Variants in KCNK2 observed in about 807,000 individuals in gnomAD.
The protein encoded by KCNK2 is potassium two pore domain channel subfamily K member 2, also known as potassium channel subfamily K member 2.
KCNK2 carries 21 observed loss-of-function variants against 40.5 expected under a neutral mutation model. The observed-to-expected ratio is 0.52, with a 90% confidence interval of 0.37 to 0.75. The LOEUF (loss-of-function observed/expected upper bound fraction) is 0.75. Ranked by LOEUF, KCNK2 falls within the 30% of genes least tolerant of loss-of-function variation. The pLI, the probability that KCNK2 is intolerant of heterozygous loss-of-function variation, is 0.00. For synonymous variants in KCNK2, 191 were observed against 202.2 expected, an observed-to-expected ratio of 0.94 and a Z score of 0.47; for missense variants, 399 against 531.6, an observed-to-expected ratio of 0.75 and a Z score of 2.45.
At chr1:215,132,994 G>A (rs978553459) in intron 3 of KCNK2, among the ~76,000 whole-genome samples, 8 of 152,172 alleles carry the variant, frequency 5.3e-5, no homozygotes, top group African/African-American at 1.9e-4. Context: ...GAACATTAGG[G>A]ATATAATCTT....
chr1:215,083,487 G>T, intron 1 of KCNK2, 56 bp downstream of exon 1: 2 of 1,327,512 alleles, frequency 1.5e-6, no homozygotes, highest in South Asian at 1.2e-5. Flanking sequence ...TCCTGCCCCA[G>T]CCTTTTCTGG....
At chr1:215,158,159 A>G (rs992193811) in intron 3 of KCNK2, among the ~76,000 whole-genome samples, 1 of 152,164 alleles carries the variant, frequency 6.6e-6, no homozygotes, top group African/African-American at 2.4e-5. Context: ...GAAGGGTTCT[A>G]TCAGGATCCC....
chr1:215,062,895 C>T (rs777487272), intron 1 of KCNK2, among the ~76,000 whole-genome samples: 2 of 151,950 alleles, frequency 1.3e-5, no homozygotes, highest in African/African-American at 2.4e-5. Context: ...GATAGAGACC[C>T]TGATTTTATA....
chr1:215,065,054 T>C (rs1658490011), intron 1 of KCNK2, among the ~76,000 whole-genome samples: 1 of 152,344 alleles, frequency 6.6e-6, no homozygotes, highest in African/African-American at 2.4e-5. Context: ...ATAGTGTTTA[T>C]TTAAAGTAGT....
chr1:215,231,019 A>G (rs1666639384), intron 6 of KCNK2, among the ~76,000 whole-genome samples: 1 of 152,196 alleles, frequency 6.6e-6, no homozygotes, highest in Non-Finnish European at 1.5e-5. Context: ...AACTGGTAGA[A>G]GCACTCGGCT....
At chr1:215,007,617 T>A (rs963555399) in intron 1 of KCNK2, among the ~76,000 whole-genome samples, 3 of 152,074 alleles carry the variant, frequency 2.0e-5, no homozygotes, top group African/African-American at 7.2e-5. Flanking sequence ...TGTGCTAAAC[T>A]GAACACATGT....
At chr1:215,085,618 G>A (rs1225686684) in intron 1 of KCNK2, among the ~76,000 whole-genome samples, 3 of 152,182 alleles carry the variant, frequency 2.0e-5, no homozygotes, top group South Asian at 4.1e-4. Flanking sequence ...CATTTGAAAA[G>A]GAAGTTACTT....
At chr1:215,115,997 T>C (rs1026237717) in intron 2 of KCNK2, among the ~76,000 whole-genome samples, 40 of 151,474 alleles carry the variant, frequency 2.6e-4, no homozygotes, top group African/African-American at 8.0e-4. Flanking sequence ...GCTCATTTCA[T>C]TGAGGCTCAA....
intron 3 of KCNK2, among the ~76,000 whole-genome samples, chr1:215,135,402 C>A (rs1031230034): frequency 2.0e-5 from 3 of 152,026 alleles, no homozygotes; most frequent in African/African-American, 7.2e-5. Flanking sequence ...TATTGAATGA[C>A]TGTATACTAA....
intron 6 of KCNK2, among the ~76,000 whole-genome samples, chr1:215,210,032 A>G (rs1571735353): frequency 5.1e-5 from 2 of 39,094 alleles, no homozygotes; most frequent in African/African-American, 2.0e-4. Flanking sequence ...TATATTATAT[A>G]TAATATATAT....
At chr1:215,009,989 A>ATG (rs906025243) in intron 1 of KCNK2, among the ~76,000 whole-genome samples, 15 of 152,216 alleles carry the variant, frequency 9.9e-5, no homozygotes, top group African/African-American at 3.4e-4. Flanking sequence ...ACTGTATTTT[A>ATG]TGTGTGTGTG....
At chr1:215,105,232 T>C (rs1157481747) in intron 2 of KCNK2, among the ~76,000 whole-genome samples, 2 of 152,110 alleles carry the variant, frequency 1.3e-5, no homozygotes, top group Admixed American at 6.6e-5. Flanking sequence ...CAAGTCTCCC[T>C]TTTTCCCCTT....
At chr1:215,005,979 G>A (rs770872472) in intron 1 of KCNK2, 5 of 1,601,260 alleles carry the variant, frequency 3.1e-6, no homozygotes, top group Admixed American at 3.3e-5. Flanking sequence ...CAATAATCAA[G>A]TACCTTATTT....
intron 1 of KCNK2, among the ~76,000 whole-genome samples, chr1:215,033,817 A>G (rs1440233670): frequency 6.6e-6 from 1 of 152,176 alleles, no homozygotes; most frequent in Non-Finnish European, 1.5e-5. Context: ...GAATGCTCTG[A>G]TATGTTTCAA....
intron 1 of KCNK2, among the ~76,000 whole-genome samples, chr1:215,021,836 A>G (rs1054512103): frequency 1.3e-5 from 2 of 152,154 alleles, no homozygotes; most frequent in Non-Finnish European, 2.9e-5. Flanking sequence ...GGCGTGAGCC[A>G]CTGCGCCCGG....
At chr1:215,025,348 G>A (rs1454078017) in intron 1 of KCNK2, among the ~76,000 whole-genome samples, 1 of 152,026 alleles carries the variant, frequency 6.6e-6, no homozygotes, top group Non-Finnish European at 1.5e-5. Context: ...TTTTATGTAA[G>A]TGATATTATT....
intron 1 of KCNK2, among the ~76,000 whole-genome samples, chr1:215,047,429 TC>T (rs1315641962): frequency 5.9e-5 from 9 of 152,082 alleles, no homozygotes; most frequent in African/African-American, 1.9e-4. Context: ...AACTGAAGTT[TC>T]GAGAGATTAA....
intron 1 of KCNK2, among the ~76,000 whole-genome samples, chr1:215,069,862 C>T (rs796939536): frequency 3.0e-4 from 46 of 152,124 alleles, no homozygotes; most frequent in African/African-American, 1.1e-3. Flanking sequence ...TCAATGTACC[C>T]GAAGTCCCTT....
chr1:215,052,774 T>C lies in KCNK2; in HGVS notation c.35-33594T>C, dbSNP rs60131235. 2.0e-3 allele frequency among the ~76,000 whole-genome samples: 298 copies of C among 152,228 alleles called. 1 individual carries two copies. Among genetic ancestry groups the C allele is most frequent in the African/African-American group, 6.6e-3 (274 of 41,544 alleles). On this transcript the variant is annotated intron_variant, in intron 1 of 6. Coordinates refer to the KCNK2 transcript ENST00000391895. ...GTTTGGGACATCAGCAATGAGAGAA[T>C]AGTATTTATTAGTCATTTATTTTTG...
Sources: allele counts gnomAD v4.1 joint callset (sites outside exome capture counted in the v4.1 genomes callset), GRCh38; gene constraint gnomAD v4.1.1; transcripts MANE v1.5; gene names NCBI Gene and HGNC (gene_info 2026-07-23, HGNC 2026-07-21).